The following LRRC9 variants were observed in gnomAD, a reference collection of about 807,000 sequenced individuals.
The protein encoded by LRRC9 is leucine-rich repeat-containing protein 9.
Under a neutral mutation model 63.2 loss-of-function variants are expected in LRRC9, and 122 were observed. That is an observed-to-expected ratio of 1.93 (90% CI 1.67 to 2.24). The LOEUF is 2.24. Ranked by LOEUF, LRRC9 falls within the 30% of genes most tolerant of loss-of-function variation. LRRC9 has a pLI of 0.00. For synonymous variants in LRRC9, 366 were observed against 213.1 expected, an observed-to-expected ratio of 1.72 and a Z score of -6.25; for missense variants, 1,071 against 627.7, an observed-to-expected ratio of 1.71 and a Z score of -7.55.
intron 7 of LRRC9, among the ~76,000 whole-genome samples, chr14:59,944,024 T>G (rs1226411018): frequency 6.6e-6 from 1 of 152,020 alleles, no homozygotes; most frequent in Non-Finnish European, 1.5e-5. Flanking sequence ...CAATTTATCA[T>G]GATAAATTTA....
At chr14:60,013,622 T>C (rs61993993) in intron 23 of LRRC9, among the ~76,000 whole-genome samples, 9,025 of 152,258 alleles carry the variant, frequency 0.059, 378 homozygotes, top group Middle Eastern at 0.099. Flanking sequence ...AGGACTGTTA[T>C]GTCTTCTTGG....
chr14:59,920,547 G>A (rs1408505348), intron 1 of LRRC9, among the ~76,000 whole-genome samples: 1 of 152,134 alleles, frequency 6.6e-6, no homozygotes, highest in African/African-American at 2.4e-5. Flanking sequence ...TTAAGATTCT[G>A]GGCTGGAAAA....
chr14:59,975,729 CTA>C, intron 13 of LRRC9, among the ~76,000 whole-genome samples: 1 of 152,228 alleles, frequency 6.6e-6, no homozygotes, highest in East Asian at 1.9e-4. Flanking sequence ...CATATAGGAG[CTA>C]TAAACATGAA....
At position 59,927,867 on chromosome 14, in the gene LRRC9, C is replaced by T. The variant is rs955599549; in HGVS notation, c.-33-44C>T. The T allele has an allele frequency of 1.7e-6, 1 of 601,366 alleles. No individual in the cohort carries two copies. Among genetic ancestry groups the T allele is most frequent in the African/African-American group, 1.9e-5 (1 of 52,660 alleles). The allele number at this position is 601,366 out of a possible 1,614,324, so 37.3% of individuals were successfully genotyped here. A position where few individuals can be genotyped will look rare whatever the true frequency, so the allele number is the denominator to read the frequency against. On this transcript the variant is annotated intron_variant, in intron 1 of 31. Coordinates refer to ENST00000445360, the Ensembl canonical transcript of LRRC9. The surrounding 1 kb of genome is among the most constrained non-coding windows in gnomAD (Gnocchi z 4.4). ...TAAGGTCTATTTCAACTTGGAATGA[C>T]AATGACTTTAATATTTATTTCATTT... is the stretch of plus-strand genomic sequence containing the variant.
At position 60,052,533 on chromosome 14, in the gene LRRC9, C is replaced by T. The variant is rs141093094; in HGVS notation, c.3991-532C>T. Among the ~76,000 whole-genome samples the T allele has an allele frequency of 3.7e-3, 566 of 152,298 alleles. 1 individual carries two copies. The highest frequency in any genetic ancestry group is 6.9e-3 in the Non-Finnish European group (467 of 68,028). ...GTCTAGGCACAATAAACTCCTCTTA[C>T]CAATTAAGGAATGGTGGGGACACTG... is the stretch of plus-strand genomic sequence containing the variant. On this transcript the variant is annotated intron_variant, in intron 29 of 31. Transcript: ENST00000445360.
chr14:60,025,140 G>A (rs1384558411), intron 27 of LRRC9, among the ~76,000 whole-genome samples: 1 of 151,562 alleles, frequency 6.6e-6, no homozygotes, highest in Non-Finnish European at 1.5e-5. Context: ...ACCCAGGCTG[G>A]AGTGCATTGG....
At chr14:60,021,775 T>C (rs1217648079) in intron 26 of LRRC9, among the ~76,000 whole-genome samples, 1 of 151,900 alleles carries the variant, frequency 6.6e-6, no homozygotes, top group African/African-American at 2.4e-5. Context: ...TTGGCACCTT[T>C]GCTAAAAATC....
chr14:59,974,634 C>T (rs1885916425), exon 13 of LRRC9: 2 of 691,030 alleles, frequency 2.9e-6, no homozygotes, highest in African/African-American at 1.8e-5. Flanking sequence ...AGTGAGTGTC[C>T]CAGAATTGAA....
At chr14:59,954,106 C>A (rs1006947650) in intron 8 of LRRC9, among the ~76,000 whole-genome samples, 1 of 152,194 alleles carries the variant, frequency 6.6e-6, no homozygotes, top group African/African-American at 2.4e-5. Context: ...ATGCCTTCAG[C>A]TTTATTCTTC....
rs1881874470 is a variant in LRRC9, at chr14:59,942,409, G to GA, written c.727-2176dup. On this transcript the variant is annotated intron_variant, in intron 7 of 31. Transcript: ENST00000445360. This position sits in a 1 kb window ranked among gnomAD's most constrained non-coding sequence, Gnocchi z 5.3. Reference sequence around the variant, plus strand: ...GGAAGTTCTACTTTTAATTTTTTGAGAAAACGCCATCCTGTTTTTCATAGT... The same window carrying GA: ...GGAAGTTCTACTTTTAATTTTTTGAGAAAAACGCCATCCTGTTTTTCATAGT... Among the ~76,000 whole-genome samples the GA allele has an allele frequency of 6.6e-6, 1 of 152,084 alleles. No individual in the cohort carries two copies. The highest frequency in any genetic ancestry group is 6.6e-5 in the Admixed American group (1 of 15,254).
chr14:59,954,704 G>A (rs531612266), intron 8 of LRRC9, among the ~76,000 whole-genome samples: 1 of 152,288 alleles, frequency 6.6e-6, no homozygotes, highest in East Asian at 1.9e-4. Flanking sequence ...ATGTTGAATA[G>A]GAGTGGTGAG....
At chr14:60,061,909 C>A (rs309008) in intron 31 of LRRC9, 102 bp from the exon 32 acceptor site, 347,258 of 395,990 alleles carry the variant, frequency 0.88, 152,944 homozygotes, top group East Asian at 0.93. Context: ...GCATACATTC[C>A]GCTGAAGGAC....
At chr14:60,021,373 G>A (rs1381283048) in intron 26 of LRRC9, among the ~76,000 whole-genome samples, 3 of 151,782 alleles carry the variant, frequency 2.0e-5, no homozygotes, top group African/African-American at 7.2e-5. Flanking sequence ...ATTATTAAGT[G>A]TCTTTATACT....
chr14:59,978,586 A>T (rs1805553043), intron 15 of LRRC9, among the ~76,000 whole-genome samples: 1 of 152,196 alleles, frequency 6.6e-6, no homozygotes, highest in Non-Finnish European at 1.5e-5. Flanking sequence ...CTTTAACAAT[A>T]TGTTTTGAAC....
Position 59,964,742 on chromosome 14 carries a change from T to G in LRRC9, c.1212-1847T>G, listed in dbSNP as rs1884660169. 6.6e-6 allele frequency among the ~76,000 whole-genome samples: 1 copy of G among 152,170 alleles called. No homozygotes were observed. Among genetic ancestry groups the G allele is most frequent in the South Asian group, 2.1e-4 (1 of 4,830 alleles). ...GCAGTAGCTTCCCCACCTCAGATGCTAATGTGGCTGTTTTGTAGGTACTCT... is the reference window on the plus strand; with the variant it reads ...GCAGTAGCTTCCCCACCTCAGATGCGAATGTGGCTGTTTTGTAGGTACTCT... On this transcript the variant is annotated intron_variant, in intron 10 of 31. Transcript: ENST00000445360. This position sits in a 1 kb window ranked among gnomAD's most constrained non-coding sequence, Gnocchi z 4.4.
chr14:60,053,040 A>G lies in LRRC9; in HGVS notation c.3991-25A>G. The G allele has an allele frequency of 1.5e-6, 1 of 686,674 alleles. No homozygotes were observed. Among genetic ancestry groups the G allele is most frequent in the Non-Finnish European group, 2.7e-6 (1 of 376,654 alleles). 42.5% of individuals were successfully genotyped at this position (686,674 alleles called of 1,614,324 possible). ...TTGAAATAAAAGTTTTGTAGGAATA[A>G]ATTGTTATTTTTAACTTTATTCAGA... On this transcript the variant is annotated intron_variant, in intron 29 of 31. Coordinates refer to ENST00000445360, the Ensembl canonical transcript of LRRC9. This position sits in a 1 kb window ranked among gnomAD's most constrained non-coding sequence, Gnocchi z 4.8.
chr14:59,955,087 TA>T (rs1883590204), intron 8 of LRRC9, among the ~76,000 whole-genome samples: 1 of 152,250 alleles, frequency 6.6e-6, no homozygotes, highest in African/African-American at 2.4e-5. Flanking sequence ...TCATCAGGGT[TA>T]TTGGCCTGAT....
rs1172665575 is a variant in LRRC9, at chr14:59,975,138, T to C, written c.1639+430T>C. On this transcript the variant is annotated intron_variant, in intron 13 of 31. Transcript: ENST00000445360. ...GTATATATATATATGTATATATATA[T>C]ACATATATATATGTATATATATATA... Among the ~76,000 whole-genome samples the C allele has an allele frequency of 2.8e-3, 32 of 11,370 alleles. 6 individuals carry two copies. Among genetic ancestry groups the C allele is most frequent in the African/African-American group, 4.2e-3 (26 of 6,212 alleles). 7.5% of individuals were successfully genotyped at this position (11,370 alleles called of 152,430 possible). A position where few individuals can be genotyped will look rare whatever the true frequency, so the allele number is the denominator to read the frequency against.
At chr14:59,985,037 T>G in intron 16 of LRRC9, 68 bp from the exon 17 acceptor site, 2 of 494,834 alleles carry the variant, frequency 4.0e-6, no homozygotes, top group East Asian at 5.9e-5. Flanking sequence ...ATTTTACATA[T>G]CCACACTTCA....
Sources: gnomAD v4.1 joint callset for allele counts (sites outside exome capture counted in the v4.1 genomes callset) on GRCh38, gnomAD v4.1.1 for gene constraint, Gnocchi (gnomAD v3.1) non-coding constraint, MANE v1.5 for transcripts, NCBI Gene and HGNC (gene_info 2026-07-23, HGNC 2026-07-21) for gene names.